Variants in RPTOR observed in about 807,000 individuals in gnomAD.
The protein encoded by RPTOR is regulatory-associated protein of mTOR.
A neutral mutation model predicts 169.9 loss-of-function variants in RPTOR; 21 were observed. That is an observed-to-expected ratio of 0.12 (90% CI 0.09 to 0.18). The LOEUF (loss-of-function observed/expected upper bound fraction) is 0.18. RPTOR is among the 10% of genes least tolerant of loss of function. RPTOR has a pLI of 1.00. For synonymous variants in RPTOR, 732 were observed against 753.2 expected, an observed-to-expected ratio of 0.97 and a Z score of 0.46; for missense variants, 1,133 against 1,855.9, an observed-to-expected ratio of 0.61 and a Z score of 7.16.
intron 6 of RPTOR, among the ~76,000 whole-genome samples, chr17:80,761,593 T>C (rs1280138079): frequency 1.3e-5 from 2 of 152,232 alleles, no homozygotes; most frequent in African/African-American, 4.8e-5. Flanking sequence ...CTGTGACATT[T>C]GCTTCGTATT....
At chr17:80,930,315 G>GCTCATC in intron 24 of RPTOR, among the ~76,000 whole-genome samples, 1 of 13,902 alleles carries the variant, frequency 7.2e-5, no homozygotes, top group South Asian at 2.1e-3. Context: ...CTCATCCCCA[G>GCTCATC]CTCAGCTCAG....
intron 1 of RPTOR, among the ~76,000 whole-genome samples, chr17:80,584,734 T>G (rs1359540786): frequency 6.6e-6 from 1 of 152,238 alleles, no homozygotes; most frequent in Non-Finnish European, 1.5e-5. Context: ...GACGCCATCA[T>G]GTGTTTACTG....
At chr17:80,882,873 C>T (rs1417265960) in intron 14 of RPTOR, among the ~76,000 whole-genome samples, 4 of 152,168 alleles carry the variant, frequency 2.6e-5, no homozygotes, top group Non-Finnish European at 5.9e-5. Flanking sequence ...CACTAGACCG[C>T]GCGACGTGTG....
Position 80,940,595 on chromosome 17 carries a change from C to G in RPTOR, c.3019C>G (p.Gln1007Glu), listed in dbSNP as rs140939117. The G allele has an allele frequency of 8.7e-5, 140 of 1,609,148 alleles. No homozygotes were observed. In the African/African-American group the frequency reaches 1.7e-3, roughly 20 times the overall value. ...CAGGAGGCAGGCCCAGCAAGTCATT[C>G]AGAAGGGTAAGGGCACCCGCACAGC... ...RVRRQAQQVI[Q>E]KGITRLDDQI... The change falls in exon 25 of 34, where the codon CAG (glutamine) becomes GAG (glutamate). Residue 1007 changes from glutamine to glutamate, a missense_variant. Coordinates refer to ENST00000306801, the MANE Select transcript of RPTOR (RefSeq NM_020761.3).
chr17:80,841,179 G>A (rs368910592), intron 10 of RPTOR, among the ~76,000 whole-genome samples: 10 of 115,400 alleles, frequency 8.7e-5, no homozygotes, highest in Admixed American at 1.7e-4. Context: ...TCACCGCACG[G>A]CAGCTCACAC....
At chr17:80,713,731 A>G (rs2066216434) in intron 4 of RPTOR, among the ~76,000 whole-genome samples, 1 of 152,176 alleles carries the variant, frequency 6.6e-6, no homozygotes, top group African/African-American at 2.4e-5. Context: ...CCATTTCCTC[A>G]TGATAAACAG....
chr17:80,688,676 T>C (rs1002351763), intron 3 of RPTOR, among the ~76,000 whole-genome samples: 9 of 152,254 alleles, frequency 5.9e-5, no homozygotes, highest in African/African-American at 2.2e-4. Flanking sequence ...TCCGGTGCTA[T>C]GCGGGCTGGG....
intron 3 of RPTOR, among the ~76,000 whole-genome samples, chr17:80,705,584 G>A (rs1177250047): frequency 6.6e-6 from 1 of 152,192 alleles, no homozygotes; most frequent in Non-Finnish European, 1.5e-5. Flanking sequence ...AACCAAATGT[G>A]TATCATATAC....
At chr17:80,684,027 C>A (rs925739726) in intron 3 of RPTOR, among the ~76,000 whole-genome samples, 3 of 152,184 alleles carry the variant, frequency 2.0e-5, no homozygotes, top group African/African-American at 7.2e-5. Context: ...CGTCTCGTAC[C>A]ATCGTAAACA....
At chr17:80,938,886 C>G (rs888448026) in intron 24 of RPTOR, among the ~76,000 whole-genome samples, 1 of 152,192 alleles carries the variant, frequency 6.6e-6, no homozygotes, top group Non-Finnish European at 1.5e-5. Flanking sequence ...GCTCTGTAAG[C>G]ATTTGCACAT....
At chr17:80,741,323 G>T (rs1218825784) in intron 5 of RPTOR, among the ~76,000 whole-genome samples, 1 of 152,144 alleles carries the variant, frequency 6.6e-6, no homozygotes. Flanking sequence ...GGCCCTCCAG[G>T]TGGAGGGCAG....
chr17:80,834,020 C>T (rs2067536447), intron 9 of RPTOR, among the ~76,000 whole-genome samples: 1 of 152,172 alleles, frequency 6.6e-6, no homozygotes, highest in Non-Finnish European at 1.5e-5. Flanking sequence ...GGTTGCCATG[C>T]GATTTTAGAA....
intron 5 of RPTOR, among the ~76,000 whole-genome samples, chr17:80,733,628 A>G (rs940177574): frequency 1.3e-5 from 2 of 152,222 alleles, no homozygotes; most frequent in Non-Finnish European, 2.9e-5. Flanking sequence ...CAGAGCTGCC[A>G]TTAAGTTCTG....
chr17:80,912,889 T>A (rs1345927079), intron 21 of RPTOR, among the ~76,000 whole-genome samples: 1 of 152,162 alleles, frequency 6.6e-6, no homozygotes, highest in Non-Finnish European at 1.5e-5. Context: ...TTAAGGCACA[T>A]GGCCATCACT....
intron 24 of RPTOR, among the ~76,000 whole-genome samples, chr17:80,930,189 GCTCAT>G (rs2068862321): frequency 1.4e-4 from 3 of 21,420 alleles, no homozygotes; most frequent in African/African-American, 4.7e-4. Flanking sequence ...CTCATCCCCA[GCTCAT>G]GCCCAGCTCA....
chr17:80,870,326 T>A (rs2068038525), intron 13 of RPTOR, among the ~76,000 whole-genome samples: 1 of 152,230 alleles, frequency 6.6e-6, no homozygotes, highest in Non-Finnish European at 1.5e-5. Context: ...ACCCGCACTA[T>A]GAAGAAAAGG....
chr17:80,945,085 G>A (rs533335798), intron 25 of RPTOR, among the ~76,000 whole-genome samples: 2 of 150,798 alleles, frequency 1.3e-5, no homozygotes, highest in South Asian at 4.2e-4. Flanking sequence ...CTCGAGCCCA[G>A]GAATTTGAGA....
At chr17:80,859,305 G>A (rs1016507174) in intron 13 of RPTOR, among the ~76,000 whole-genome samples, 4 of 152,258 alleles carry the variant, frequency 2.6e-5, no homozygotes, top group African/African-American at 9.6e-5. Context: ...GAGCTGTACA[G>A]AGTGGTGCAA....
intron 20 of RPTOR, among the ~76,000 whole-genome samples, chr17:80,902,635 G>T (rs1157619966): frequency 2.6e-5 from 4 of 152,238 alleles, no homozygotes; most frequent in Non-Finnish European, 4.4e-5. Flanking sequence ...GCCACAAGTG[G>T]CCGTGGAGCT....
Sources: allele counts gnomAD v4.1 joint callset (sites outside exome capture counted in the v4.1 genomes callset), GRCh38; gene constraint gnomAD v4.1.1; transcripts MANE v1.5; gene names NCBI Gene and HGNC (gene_info 2026-07-23, HGNC 2026-07-21).